RAPGEF6: variants seen among roughly 807,000 people sequenced by gnomAD.
RAPGEF6 encodes the protein Rap guanine nucleotide exchange factor 6, also known as PDZ domain containing guanine nucleotide exchange factor (GEF) 2.
In RAPGEF6, 56 loss-of-function variants were observed where a neutral mutation model predicts 171.4. The observed-to-expected ratio is 0.33, with a 90% CI of 0.26 to 0.41. The LOEUF (loss-of-function observed/expected upper bound fraction) is 0.41. RAPGEF6 is among the 10% of genes least tolerant of loss of function. The probability of loss-of-function intolerance (pLI) is 1.00; values close to 1 mark genes in which losing one functional copy is unlikely to be tolerated. For synonymous variants in RAPGEF6, 692 were observed against 650.1 expected (o/e 1.06, Z -0.98); for missense variants, 1,674 against 1,921.4 (o/e 0.87, Z 2.41).
At chr5:131,603,417 G>T in intron 2 of RAPGEF6, 90 bp from the exon 3 acceptor site, 1 of 850,672 alleles carries the variant, frequency 1.2e-6, no homozygotes, top group Non-Finnish European at 1.8e-6. Flanking sequence ...TAATCTAATT[G>T]ATTGTTAGAA....
intron 3 of RAPGEF6, among the ~76,000 whole-genome samples, chr5:131,596,508 C>T (rs1763913830): frequency 6.6e-6 from 1 of 151,688 alleles, no homozygotes; most frequent in South Asian, 2.1e-4. Context: ...ATGCAAATAC[C>T]CTACTTTCAG....
At chr5:131,431,428 T>C (rs6596022) in intron 25 of RAPGEF6, 79 bp from the exon 26 acceptor site, 82,739 of 1,473,372 alleles carry the variant, frequency 0.056, 7,463 homozygotes, top group African/African-American at 0.41. Context: ...TTATTGCCTG[T>C]GAGAAACTAC....
chr5:131,457,682 A>C (rs1156386584), intron 19 of RAPGEF6, among the ~76,000 whole-genome samples: 2 of 152,120 alleles, frequency 1.3e-5, no homozygotes, highest in Non-Finnish European at 2.9e-5. Flanking sequence ...GAAACCTGCT[A>C]ATGCTGACTT....
chr5:131,629,030 C>T (rs982158805), intron 1 of RAPGEF6, among the ~76,000 whole-genome samples: 10 of 152,104 alleles, frequency 6.6e-5, no homozygotes, highest in African/African-American at 2.4e-4. Context: ...CATTCTGTGG[C>T]CCATGGATCA....
chr5:131,634,605 T>A (rs560578111), intron 1 of RAPGEF6, among the ~76,000 whole-genome samples: 1 of 152,350 alleles, frequency 6.6e-6, no homozygotes, highest in South Asian at 2.1e-4. Flanking sequence ...ATGGCTGAGA[T>A]ACTTCCCTTA....
At chr5:131,554,799 G>A (rs761970459) in intron 5 of RAPGEF6, among the ~76,000 whole-genome samples, 1 of 152,152 alleles carries the variant, frequency 6.6e-6, no homozygotes, top group Non-Finnish European at 1.5e-5. Context: ...TTACAGGAGG[G>A]AGCCACTGTG....
intron 4 of RAPGEF6, among the ~76,000 whole-genome samples, chr5:131,579,196 C>T (rs1762781858): frequency 6.6e-6 from 1 of 152,188 alleles, no homozygotes; most frequent in Admixed American, 6.5e-5. Flanking sequence ...TTCATTCCTG[C>T]TGGTGGGTTC....
At chr5:131,437,015 T>C (rs1752052630) in intron 24 of RAPGEF6, among the ~76,000 whole-genome samples, 1 of 152,202 alleles carries the variant, frequency 6.6e-6, no homozygotes. Flanking sequence ...TCTCCAAGTT[T>C]AATAAGAACC....
At chr5:131,570,862 T>C (rs1019026390) in intron 4 of RAPGEF6, among the ~76,000 whole-genome samples, 2 of 151,582 alleles carry the variant, frequency 1.3e-5, no homozygotes, top group African/African-American at 4.9e-5. Flanking sequence ...AGGTCATCTA[T>C]GAAAAATTTA....
In RAPGEF6 at chr5:131,592,364, A is replaced by G. The variant is rs370488069; in HGVS notation, c.281+19T>C. 334 of 1,611,170 alleles carry G rather than the reference A, an allele frequency of 2.1e-4. No individual in the cohort carries two copies. Among genetic ancestry groups the G allele is most frequent in the Middle Eastern group, 4.9e-4 (3 of 6,072 alleles). Reference sequence around the variant, plus strand: ...GTTTAACATTAACTTTGCCTGCCATATAGCAAATGTAAACGTACCTGCAAG... The same window carrying G: ...GTTTAACATTAACTTTGCCTGCCATGTAGCAAATGTAAACGTACCTGCAAG... On this transcript the variant is annotated intron_variant, in intron 4 of 27. Coordinates refer to ENST00000509018, the MANE Select transcript of RAPGEF6 (RefSeq NM_016340.6).
intron 27 of RAPGEF6, among the ~76,000 whole-genome samples, chr5:131,427,509 G>GT (rs1284359555): frequency 6.6e-6 from 1 of 151,980 alleles, no homozygotes; most frequent in African/African-American, 2.4e-5. Flanking sequence ...TATTACTCTT[G>GT]TTTAAAAGCA....
intron 4 of RAPGEF6, among the ~76,000 whole-genome samples, chr5:131,587,337 T>A (rs1055306538): frequency 6.6e-6 from 1 of 152,162 alleles, no homozygotes; most frequent in African/African-American, 2.4e-5. Flanking sequence ...AAGGTATACA[T>A]ATCCACAGGC....
At chr5:131,446,809 G>A (rs1180184872) in intron 21 of RAPGEF6, 106 bp from the exon 22 acceptor site, 18 of 1,027,528 alleles carry the variant, frequency 1.8e-5, no homozygotes, top group Middle Eastern at 2.7e-4. Context: ...GCATGCTGAT[G>A]TAAATGAGTT....
intron 19 of RAPGEF6, among the ~76,000 whole-genome samples, chr5:131,457,773 G>A (rs959628181): frequency 2.6e-5 from 4 of 152,104 alleles, no homozygotes; most frequent in African/African-American, 4.8e-5. Flanking sequence ...GCCATGGAAC[G>A]AATGCCCCAC....
intron 27 of RAPGEF6, among the ~76,000 whole-genome samples, chr5:131,427,565 T>C (rs1201334702): frequency 6.6e-6 from 1 of 152,172 alleles, no homozygotes; most frequent in Non-Finnish European, 1.5e-5. Flanking sequence ...CTCAAACTAT[T>C]GGCACAGGTA....
At chr5:131,554,421 G>C (rs1220496984) in intron 5 of RAPGEF6, among the ~76,000 whole-genome samples, 1 of 152,184 alleles carries the variant, frequency 6.6e-6, no homozygotes, top group African/African-American at 2.4e-5. Context: ...ATGATTTACA[G>C]AATACATAAA....
At chr5:131,495,444 A>G in intron 13 of RAPGEF6, 109 bp downstream of exon 13, 1 of 752,548 alleles carries the variant, frequency 1.3e-6, no homozygotes, top group Non-Finnish European at 2.1e-6. Context: ...AGTTCTAAGA[A>G]TGGACATTTA....
chr5:131,504,486 A>C, intron 11 of RAPGEF6, 140 bp downstream of exon 11: 1 of 938,700 alleles, frequency 1.1e-6, no homozygotes, highest in East Asian at 2.8e-5. Flanking sequence ...TTTTAGAGAA[A>C]GACAAAGAGT....
chr5:131,458,258 C>G (rs550824677), intron 19 of RAPGEF6, among the ~76,000 whole-genome samples: 1 of 152,144 alleles, frequency 6.6e-6, no homozygotes, highest in African/African-American at 2.4e-5. Context: ...ATTTCCCCTA[C>G]GCTGTTCTCA....
Sources: allele counts gnomAD v4.1 joint callset (sites outside exome capture counted in the v4.1 genomes callset), GRCh38; gene constraint gnomAD v4.1.1; transcripts MANE v1.5; gene names NCBI Gene and HGNC (gene_info 2026-07-23, HGNC 2026-07-21).